The following NRG3 variants were observed in gnomAD, a reference collection of about 807,000 sequenced individuals.
The protein encoded by NRG3 is neuregulin 3.
A neutral mutation model predicts 66.9 loss-of-function variants in NRG3; 31 were observed. The observed-to-expected ratio is 0.46, with a 90% CI of 0.35 to 0.63. The LOEUF (loss-of-function observed/expected upper bound fraction) is 0.63. Among genes scored for constraint, NRG3 ranks in the 20% least tolerant of loss-of-function variants. The probability of loss-of-function intolerance (pLI) is 0.00; values close to 1 mark genes in which losing one functional copy is unlikely to be tolerated. For synonymous variants in NRG3, 393 were observed against 359.4 expected (o/e 1.09, Z -1.06); for missense variants, 910 against 878.9 (o/e 1.04, Z -0.45).
At chr10:82,427,846 T>G (rs2136294097) in intron 2 of NRG3, among the ~76,000 whole-genome samples, 1 of 152,224 alleles carries the variant, frequency 6.6e-6, no homozygotes, top group East Asian at 1.9e-4. Context: ...CTTGGTCTTT[T>G]ATTGTAGGAG....
chr10:82,008,689 T>C (rs973697937), intron 1 of NRG3, among the ~76,000 whole-genome samples: 1 of 152,190 alleles, frequency 6.6e-6, no homozygotes, highest in Non-Finnish European at 1.5e-5. Context: ...GTAGTCTCTT[T>C]ATTTTGATCT....
chr10:81,879,805 A>G (rs909190767), intron 1 of NRG3, among the ~76,000 whole-genome samples: 1 of 152,238 alleles, frequency 6.6e-6, no homozygotes, highest in Non-Finnish European at 1.5e-5. Context: ...TCTTTTCAAC[A>G]TCTTCATTCC....
chr10:82,571,660 T>C (rs911439189), intron 2 of NRG3, among the ~76,000 whole-genome samples: 4 of 151,698 alleles, frequency 2.6e-5, no homozygotes, highest in Non-Finnish European at 5.9e-5. Context: ...ACCTATGCAT[T>C]AATAGGAATG....
intron 3 of NRG3, among the ~76,000 whole-genome samples, chr10:82,811,136 A>G (rs2061477165): frequency 6.6e-6 from 1 of 152,208 alleles, no homozygotes; most frequent in Admixed American, 6.5e-5. Flanking sequence ...ATATATACAT[A>G]CAAACGCCTG....
intron 2 of NRG3, among the ~76,000 whole-genome samples, chr10:82,532,749 C>G (rs1376557567): frequency 1.3e-5 from 2 of 151,316 alleles, no homozygotes; most frequent in Admixed American, 1.3e-4. Context: ...GTGCTACTAT[C>G]TCTTCAAGAT....
chr10:82,096,234 T>G (rs764760104), intron 1 of NRG3, among the ~76,000 whole-genome samples: 2 of 152,122 alleles, frequency 1.3e-5, no homozygotes, highest in Admixed American at 6.6e-5. Flanking sequence ...CCCAGCACTT[T>G]GGGAGGCTGA....
chr10:82,219,645 T>G (rs1419237384), intron 1 of NRG3, among the ~76,000 whole-genome samples: 1 of 152,146 alleles, frequency 6.6e-6, no homozygotes, highest in Non-Finnish European at 1.5e-5. Flanking sequence ...GTCTTAATAT[T>G]AGTTAATTGG....
chr10:82,617,245 C>G (rs1361064715), intron 2 of NRG3, among the ~76,000 whole-genome samples: 1 of 149,548 alleles, frequency 6.7e-6, no homozygotes, highest in East Asian at 2.0e-4. Flanking sequence ...ACACACCACA[C>G]AGACACACAT....
At chr10:82,071,627 C>T (rs942728955) in intron 1 of NRG3, among the ~76,000 whole-genome samples, 1 of 152,080 alleles carries the variant, frequency 6.6e-6, no homozygotes, top group Non-Finnish European at 1.5e-5. Flanking sequence ...CCCCATAGGC[C>T]ATTGTGAGGA....
At chr10:82,576,157 C>CTGTTT (rs550384707) in intron 2 of NRG3, among the ~76,000 whole-genome samples, 3 of 151,586 alleles carry the variant, frequency 2.0e-5, no homozygotes, top group African/African-American at 7.3e-5. Flanking sequence ...TTTTTCTCCT[C>CTGTTT]TGTTTTGTTT....
intron 1 of NRG3, among the ~76,000 whole-genome samples, chr10:81,913,233 C>G (rs1278694132): frequency 6.6e-6 from 1 of 152,144 alleles, no homozygotes; most frequent in African/African-American, 2.4e-5. Context: ...AATGGAGCTT[C>G]AAAGAGCAGA....
At chr10:81,893,227 G>A (rs2132578001) in intron 1 of NRG3, among the ~76,000 whole-genome samples, 1 of 151,206 alleles carries the variant, frequency 6.6e-6, no homozygotes, top group South Asian at 2.1e-4. Context: ...TTTGCAAAAT[G>A]AAGTTGTACT....
At chr10:81,934,348 T>C (rs1847665131) in intron 1 of NRG3, among the ~76,000 whole-genome samples, 1 of 152,308 alleles carries the variant, frequency 6.6e-6, no homozygotes, top group African/African-American at 2.4e-5. Flanking sequence ...TTAAACACCG[T>C]GGTGGTTCTT....
intron 2 of NRG3, among the ~76,000 whole-genome samples, chr10:82,545,447 C>G (rs1411091547): frequency 7.0e-6 from 1 of 143,780 alleles, no homozygotes; most frequent in Admixed American, 7.0e-5. Flanking sequence ...GGCGCGATCT[C>G]GGCTCACTGA....
intron 1 of NRG3, among the ~76,000 whole-genome samples, chr10:81,962,534 G>A (rs1236533257): frequency 2.6e-5 from 4 of 152,120 alleles, no homozygotes; most frequent in Admixed American, 1.3e-4. Flanking sequence ...GTATGTTCCC[G>A]TCTCCCTAAA....
intron 4 of NRG3, among the ~76,000 whole-genome samples, chr10:82,870,051 G>A (rs1318703263): frequency 1.4e-5 from 2 of 144,324 alleles, no homozygotes; most frequent in Non-Finnish European, 3.0e-5. Flanking sequence ...TGTATTTTTA[G>A]TAGAGACGGG....
At chr10:82,001,804 T>C (rs2061179309) in intron 1 of NRG3, among the ~76,000 whole-genome samples, 4 of 152,196 alleles carry the variant, frequency 2.6e-5, no homozygotes. Context: ...TGAGCAATCA[T>C]TTCATATAGG....
chr10:81,986,912 A>G (rs2060541949), intron 1 of NRG3, among the ~76,000 whole-genome samples: 1 of 152,096 alleles, frequency 6.6e-6, no homozygotes, highest in African/African-American at 2.4e-5. Context: ...GAACTCCTGA[A>G]CTTAAGTAAT....
intron 4 of NRG3, among the ~76,000 whole-genome samples, chr10:82,921,812 T>A (rs1033427162): frequency 5.3e-5 from 8 of 152,124 alleles, no homozygotes; most frequent in African/African-American, 1.9e-4. Context: ...ACATAATTAT[T>A]TCAGCTTTAG....
Sources: allele counts gnomAD v4.1 joint callset (sites outside exome capture counted in the v4.1 genomes callset), GRCh38; gene constraint gnomAD v4.1.1; transcripts MANE v1.5; gene names NCBI Gene and HGNC (gene_info 2026-07-23, HGNC 2026-07-21).